The following OPRK1 variants were observed in gnomAD, a reference collection of about 807,000 sequenced individuals.
The protein encoded by OPRK1 is kappa-type opioid receptor.
In OPRK1, 15 loss-of-function variants were observed where a neutral mutation model predicts 24.5. That is an observed-to-expected ratio of 0.61 (90% confidence interval 0.41 to 0.94). The LOEUF (loss-of-function observed/expected upper bound fraction) is 0.94. Ranked by LOEUF, OPRK1 falls within the 40% of genes least tolerant of loss-of-function variation. The pLI, the probability that OPRK1 is intolerant of heterozygous loss-of-function variation, is 0.00. For missense variants in OPRK1, 479 were observed against 507.3 expected (o/e 0.94, Z 0.54); for synonymous variants, 205 against 198.0 (o/e 1.04, Z -0.30).
Position 53,234,975 on chromosome 8 carries a change from T to G in OPRK1, c.394A>C (p.Lys132Gln). 2.5e-6 allele frequency: 4 copies of G among 1,614,196 alleles called. No individual in the cohort carries two copies. The South Asian group carries it at 3.3e-5, about 13-fold the overall frequency. ...TAGTAATCAATGGAAATTACTATCT[T>G]GCACAGCACATCCCCAAAAGGCCAG... The part of the protein sequence containing the change: ...NSWPFGDVLC[K>Q]IVISIDYYNM... Residue 132 changes from lysine to glutamine, a missense_variant, in exon 3 of 4, where the codon AAG (lysine) becomes CAG (glutamine). Lys to Gln is a moderately conservative substitution (Grantham distance 53, BLOSUM62 1). Coordinates refer to ENST00000265572, the MANE Select transcript of OPRK1 (RefSeq NM_000912.5).
intron 2 of OPRK1, among the ~76,000 whole-genome samples, chr8:53,240,476 C>G (rs1295984504): frequency 6.6e-6 from 1 of 152,056 alleles, no homozygotes; most frequent in African/African-American, 2.4e-5. Context: ...CCCTTGGAGT[C>G]CAAAGAGGCC....
At chr8:53,240,381 C>T (rs942627601) in intron 2 of OPRK1, among the ~76,000 whole-genome samples, 3 of 152,138 alleles carry the variant, frequency 2.0e-5, no homozygotes, top group African/African-American at 4.8e-5. Flanking sequence ...TGCACCTGAA[C>T]AAATGCTGTT....
rs184046608 is a variant in OPRK1, at chr8:53,227,612, A to G, written c.*1685T>C. 6.6e-6 allele frequency: 1 copy of G among 152,188 alleles called. No individual in the cohort carries two copies. Among genetic ancestry groups the G allele is most frequent in the Non-Finnish European group, 1.5e-5 (1 of 68,032 alleles). 9.4% of individuals were successfully genotyped at this position (152,188 alleles called of 1,614,324 possible). A position where few individuals can be genotyped will look rare whatever the true frequency, so the allele number is the denominator to read the frequency against. On this transcript the variant is annotated 3_prime_UTR_variant, in exon 4 of 4. Transcript: ENST00000265572. Reference sequence around the variant, plus strand: ...ATACTCAAAAGAGCACTTCATTTTCATTAGGAGAAATCACTTCCATTCTGC... The same window carrying G: ...ATACTCAAAAGAGCACTTCATTTTCGTTAGGAGAAATCACTTCCATTCTGC...
At chr8:53,243,180 C>T (rs1807154571) in intron 2 of OPRK1, among the ~76,000 whole-genome samples, 1 of 152,188 alleles carries the variant, frequency 6.6e-6, no homozygotes, top group Non-Finnish European at 1.5e-5. Context: ...AGGCAACTGT[C>T]CTGCAGCCAT....
intron 3 of OPRK1, among the ~76,000 whole-genome samples, chr8:53,232,972 T>G (rs1409740621): frequency 1.3e-5 from 2 of 152,226 alleles, no homozygotes; most frequent in Non-Finnish European, 2.9e-5. Flanking sequence ...GAAAAGTTTC[T>G]TGCACTTTAT....
chr8:53,250,938 C>G lies in OPRK1; in HGVS notation c.100G>C (p.Ala34Pro). Residue 34 changes from alanine (A) to proline (P), a missense_variant, in exon 2 of 4, where the codon GCC becomes CCC. By Grantham distance (27) the Ala-to-Pro change is conservative. Coordinates refer to ENST00000265572, the MANE Select transcript of OPRK1 (RefSeq NM_000912.5). ...PNSSAWFPGW[A>P]EPDSNGSAGS... The stretch of plus-strand genomic sequence containing the variant: ...GCGCTGCCGTTGCTGTCGGGCTCGG[C>G]CCAGCCGGGAAACCAGGCGCTGCTG... 12 of 1,610,966 alleles carry G rather than the reference C, an allele frequency of 7.4e-6. No homozygotes were observed. The highest frequency in any genetic ancestry group is 1.0e-5 in the Non-Finnish European group (12 of 1,178,592).
At chr8:53,250,117 T>G (rs951953683) in intron 2 of OPRK1, among the ~76,000 whole-genome samples, 21 of 148,222 alleles carry the variant, frequency 1.4e-4, no homozygotes, top group African/African-American at 5.3e-4. Context: ...AACCTTCAAT[T>G]TCTCATGGTG....
intron 2 of OPRK1, among the ~76,000 whole-genome samples, chr8:53,246,356 C>T (rs150862297): frequency 5.3e-5 from 8 of 152,156 alleles, no homozygotes; most frequent in Admixed American, 3.3e-4. Context: ...CAGAGGACTG[C>T]GTGGAAGAAA....
intron 2 of OPRK1, chr8:53,242,952 T>C: frequency 7.0e-6 from 9 of 1,286,022 alleles, no homozygotes; most frequent in Non-Finnish European, 9.1e-6. Context: ...AAGCCATTTA[T>C]AGTATTATCC....
In OPRK1 at chr8:53,251,046, G is replaced by T. The variant is rs759222835; in HGVS notation, c.-9C>A. ...TGGATCGGGGAGTCCATGGTGGGGC[G>T]ATTGCAGCAGGAAGGCGAGGACAGG... On this transcript the variant is annotated 5_prime_UTR_variant, in exon 2 of 4. Coordinates refer to ENST00000265572, the MANE Select transcript of OPRK1 (RefSeq NM_000912.5). 3 of 1,509,702 alleles carry T rather than the reference G, an allele frequency of 2.0e-6. No homozygotes were observed. The African/African-American group carries it at 4.2e-5, about 21-fold the overall frequency. 93.5% of individuals were successfully genotyped at this position (1,509,702 alleles called of 1,614,324 possible).
chr8:53,244,756 C>T (rs1199713355), intron 2 of OPRK1, among the ~76,000 whole-genome samples: 1 of 152,174 alleles, frequency 6.6e-6, no homozygotes, highest in African/African-American at 2.4e-5. Flanking sequence ...GACAGAGTGT[C>T]CTCTTAAGGA....
chr8:53,248,926 A>C (rs1405041325), intron 2 of OPRK1, among the ~76,000 whole-genome samples: 1 of 152,184 alleles, frequency 6.6e-6, no homozygotes, highest in Non-Finnish European at 1.5e-5. Flanking sequence ...TTTTAGCTGA[A>C]CTTATCCCCT....
intron 1 of OPRK1, 73 bp downstream of exon 1, chr8:53,251,375 A>C (rs1192532795): frequency 2.6e-6 from 1 of 377,378 alleles, no homozygotes; most frequent in African/African-American, 2.2e-5. Flanking sequence ...CTGAGTCCCC[A>C]GGGTCAAGCC....
chr8:53,245,833 TC>T, intron 2 of OPRK1, among the ~76,000 whole-genome samples: 1 of 152,198 alleles, frequency 6.6e-6, no homozygotes, highest in East Asian at 1.9e-4. Flanking sequence ...AGGGAGACCA[TC>T]CTATGTAATC....
chr8:53,246,724 T>C (rs972615643), intron 2 of OPRK1, among the ~76,000 whole-genome samples: 2 of 152,078 alleles, frequency 1.3e-5, no homozygotes, highest in African/African-American at 4.8e-5. Context: ...AGAGAAGCAG[T>C]GTTCCTGAGG....
intron 3 of OPRK1, among the ~76,000 whole-genome samples, chr8:53,233,844 C>T (rs1426175103): frequency 1.3e-5 from 2 of 152,014 alleles, no homozygotes; most frequent in African/African-American, 2.4e-5. Flanking sequence ...TTCTAAAGTA[C>T]CCAGGTGATT....
chr8:53,230,590 T>C (rs1806827024), intron 3 of OPRK1, among the ~76,000 whole-genome samples: 1 of 152,206 alleles, frequency 6.6e-6, no homozygotes, highest in Non-Finnish European at 1.5e-5. Context: ...ACTTAGAAAA[T>C]TGCTATATTT....
At chr8:53,249,861 C>T (rs1316466526) in intron 2 of OPRK1, among the ~76,000 whole-genome samples, 6 of 152,282 alleles carry the variant, frequency 3.9e-5, no homozygotes, top group African/African-American at 1.2e-4. Context: ...GGAACACAAG[C>T]TTCCTACTCC....
At chr8:53,230,280 T>G (rs1005628125) in intron 3 of OPRK1, among the ~76,000 whole-genome samples, 3 of 152,206 alleles carry the variant, frequency 2.0e-5, no homozygotes, top group African/African-American at 7.2e-5. Flanking sequence ...ATCTAGCCAC[T>G]GAATTTAACA....
Sources: gnomAD v4.1 joint callset for allele counts (sites outside exome capture counted in the v4.1 genomes callset) on GRCh38, gnomAD v4.1.1 for gene constraint, MANE v1.5 for transcripts, NCBI Gene and HGNC (gene_info 2026-07-23, HGNC 2026-07-21) for gene names.